The following ARHGAP21 variants were observed in gnomAD, a reference collection of about 807,000 sequenced individuals.
ARHGAP21 encodes the protein rho GTPase-activating protein 21.
Under a neutral mutation model 164.6 loss-of-function variants are expected in ARHGAP21, and 38 were observed. The observed-to-expected ratio is 0.23, with a 90% confidence interval of 0.18 to 0.30. The LOEUF is 0.30. Ranked by LOEUF, ARHGAP21 falls within the 10% of genes least tolerant of loss-of-function variation. The probability of loss-of-function intolerance (pLI) is 1.00; values close to 1 mark genes in which losing one functional copy is unlikely to be tolerated. For missense variants in ARHGAP21, 1,822 were observed against 2,370.7 expected, an observed-to-expected ratio of 0.77 and a Z score of 4.81; for synonymous variants, 766 against 857.9, an observed-to-expected ratio of 0.89 and a Z score of 1.87.
chr10:24,653,824 C>T (rs1004755470), intron 4 of ARHGAP21, among the ~76,000 whole-genome samples: 1 of 151,760 alleles, frequency 6.6e-6, no homozygotes, highest in Non-Finnish European at 1.5e-5. Context: ...TTTTTAACAA[C>T]AAGAGCATGA....
In ARHGAP21 at chr10:24,605,008, T is replaced by TA. The variant is rs139889415; in HGVS notation, c.2685-661dup. 6.5e-3 allele frequency among the ~76,000 whole-genome samples: 989 copies of TA among 152,252 alleles called. 9 individuals are homozygous for TA. Among genetic ancestry groups the TA allele is most frequent in the Middle Eastern group, 0.027 (8 of 294 alleles). On this transcript the variant is annotated intron_variant, in intron 11 of 25. Coordinates refer to ENST00000396432, the MANE Select transcript of ARHGAP21 (RefSeq NM_020824.4). ...AAACTCAAAATTCATTTAAGAAACT[T>TA]AGAGTTTTAAGATGTTACTAAAGGT...
intron 4 of ARHGAP21, among the ~76,000 whole-genome samples, chr10:24,653,554 C>G (rs183661494): frequency 0.012 from 1,735 of 150,364 alleles, 21 homozygotes; most frequent in Non-Finnish European, 0.015. Flanking sequence ...GCCTGGGCGA[C>G]AGAGAGAGAC....
chr10:24,592,131 T>G (rs1259818369), intron 21 of ARHGAP21, 119 bp from the exon 22 acceptor site: 30 of 881,218 alleles, frequency 3.4e-5, no homozygotes, highest in Non-Finnish European at 4.3e-5. Context: ...TGATGTAGAT[T>G]AAAAAAATAA....
In ARHGAP21 at chr10:24,595,922, T is replaced by C; in HGVS notation, c.3599A>G (p.Asn1200Ser). 6.2e-7 allele frequency: 1 copy of C among 1,613,580 alleles called. No homozygotes were observed. Among genetic ancestry groups the C allele is most frequent in the South Asian group, 1.1e-5 (1 of 90,914 alleles). Reference sequence around the variant, plus strand: ...TATATCAATATCAGCCATTCCCTTGTTGAGTTCTTCTTGCATACTTGAGAT... The same window carrying C: ...TATATCAATATCAGCCATTCCCTTGCTGAGTTCTTCTTGCATACTTGAGAT... Reference protein sequence around the residue: ...AAISSMQEELNKGMADIDIQD... With the variant: ...AAISSMQEELSKGMADIDIQD... The change falls in exon 18 of 26, where the codon AAC becomes AGC. Residue 1200 changes from asparagine (N) to serine (S), a missense_variant. This residue lies in a region of ARHGAP21 where 117 missense variants were observed against 238.1 expected (regional missense o/e 0.49). Transcript: ENST00000396432.
chr10:24,596,142 A>ACAGCAATTT, intron 17 of ARHGAP21, 99 bp from the exon 18 acceptor site: 1 of 1,042,722 alleles, frequency 9.6e-7, no homozygotes, highest in Non-Finnish European at 1.3e-6. Context: ...AGGAAACATA[A>ACAGCAATTT]ATTGCTGTTA....
chr10:24,647,597 A>G (rs1456749744), intron 4 of ARHGAP21, among the ~76,000 whole-genome samples: 1 of 152,164 alleles, frequency 6.6e-6, no homozygotes, highest in African/African-American at 2.4e-5. Context: ...GCTTGTGCCA[A>G]TTCAAGATGG....
chr10:24,642,173 T>C (rs1837103730), intron 4 of ARHGAP21, among the ~76,000 whole-genome samples: 1 of 152,112 alleles, frequency 6.6e-6, no homozygotes, highest in South Asian at 2.1e-4. Context: ...ATGTCATTCA[T>C]AGGTACTTTA....
chr10:24,642,243 CAG>C (rs1372859566), intron 4 of ARHGAP21, among the ~76,000 whole-genome samples: 10 of 151,996 alleles, frequency 6.6e-5, no homozygotes, highest in Admixed American at 3.3e-4. Flanking sequence ...AAGCAAGAAA[CAG>C]GGGCTCACGC....
chr10:24,672,366 C>CT (rs1335082173), intron 2 of ARHGAP21, among the ~76,000 whole-genome samples: 1 of 152,190 alleles, frequency 6.6e-6, no homozygotes, highest in Non-Finnish European at 1.5e-5. Context: ...TCACAGGCGA[C>CT]TTTGTCTCAG....
chr10:24,680,063 T>G (rs1460844822), intron 2 of ARHGAP21, among the ~76,000 whole-genome samples: 1 of 152,152 alleles, frequency 6.6e-6, no homozygotes, highest in East Asian at 1.9e-4. Context: ...AAAAAAAGAT[T>G]TAATCTAAAT....
chr10:24,619,322 G>C (rs1198401656), intron 9 of ARHGAP21, 151 bp downstream of exon 9: 3 of 767,364 alleles, frequency 3.9e-6, no homozygotes, highest in Non-Finnish European at 5.8e-6. Flanking sequence ...GTTTGTGAAA[G>C]CTCTGGTTGA....
intron 4 of ARHGAP21, among the ~76,000 whole-genome samples, chr10:24,653,492 G>C (rs775596391): frequency 6.6e-6 from 1 of 151,880 alleles, no homozygotes; most frequent in Non-Finnish European, 1.5e-5. Flanking sequence ...AGAATGGTGT[G>C]AACCCGGGAA....
intron 24 of ARHGAP21, chr10:24,590,243 A>AAG: frequency 2.0e-6 from 3 of 1,477,602 alleles, no homozygotes; most frequent in Non-Finnish European, 2.7e-6. Context: ...CAGAAATAAC[A>AAG]AGAAACAGCA....
At chr10:24,598,494 T>C (rs2076676263) in intron 14 of ARHGAP21, among the ~76,000 whole-genome samples, 1 of 152,230 alleles carries the variant, frequency 6.6e-6, no homozygotes. Context: ...AAGGATCAAC[T>C]AGTATCACAA....
intron 2 of ARHGAP21, among the ~76,000 whole-genome samples, chr10:24,689,714 C>T (rs557443216): frequency 6.6e-6 from 1 of 152,070 alleles, no homozygotes; most frequent in South Asian, 2.1e-4. Context: ...GCACTCCAGC[C>T]TGGACATCAG....
intron 9 of ARHGAP21, among the ~76,000 whole-genome samples, chr10:24,610,348 C>T (rs373603772): frequency 2.7e-5 from 4 of 150,624 alleles, no homozygotes; most frequent in African/African-American, 9.7e-5. Context: ...TGCACTCCAG[C>T]CTGGACAACA....
chr10:24,602,636 A>T (rs949415975), intron 12 of ARHGAP21, among the ~76,000 whole-genome samples: 1 of 152,186 alleles, frequency 6.6e-6, no homozygotes, highest in African/African-American at 2.4e-5. Flanking sequence ...TAGGTCATTA[A>T]GGGTCTTCTA....
intron 2 of ARHGAP21, among the ~76,000 whole-genome samples, chr10:24,716,725 C>T (rs956222783): frequency 6.6e-6 from 1 of 152,182 alleles, no homozygotes; most frequent in Non-Finnish European, 1.5e-5. Flanking sequence ...GGAGAACAGG[C>T]TTTAGGCTGG....
chr10:24,702,563 G>T (rs1295544085), intron 2 of ARHGAP21, among the ~76,000 whole-genome samples: 9 of 151,672 alleles, frequency 5.9e-5, no homozygotes. Flanking sequence ...AAAATGTATT[G>T]TTTTAAGGTT....
Sources: gnomAD v4.1 joint callset for allele counts (sites outside exome capture counted in the v4.1 genomes callset) on GRCh38, gnomAD v4.1.1 for gene constraint, gnomAD v4.1.1 regional missense constraint, MANE v1.5 for transcripts, NCBI Gene and HGNC (gene_info 2026-07-23, HGNC 2026-07-21) for gene names.